Variants in DNMT1 observed in about 807,000 individuals in gnomAD.
DNMT1 encodes DNA methyltransferase 1.
DNMT1 carries 24 observed loss-of-function variants against 205.3 expected under a neutral mutation model. That is an observed-to-expected ratio of 0.12 (90% CI 0.08 to 0.16). DNMT1 has a LOEUF of 0.16. Among genes scored for constraint, DNMT1 ranks in the 10% least tolerant of loss-of-function variants. DNMT1 has a pLI of 1.00. For synonymous variants in DNMT1, 817 were observed against 839.8 expected (o/e 0.97, Z 0.47); for missense variants, 1,293 against 2,177.7 (o/e 0.59, Z 8.09).
chr19:10,169,987 A>G (rs764240462), intron 9 of DNMT1, among the ~76,000 whole-genome samples: 3 of 152,116 alleles, frequency 2.0e-5, no homozygotes, highest in Non-Finnish European at 2.9e-5. Flanking sequence ...AAAGGTGATC[A>G]ATGAAAGACC....
chr19:10,145,908 A>T (rs938582233), intron 28 of DNMT1, among the ~76,000 whole-genome samples: 2 of 152,064 alleles, frequency 1.3e-5, no homozygotes, highest in Admixed American at 1.3e-4. Flanking sequence ...GGCTCACTGC[A>T]ACCTCTGCCT....
At chr19:10,181,503 G>C (rs1441064117) in intron 2 of DNMT1, among the ~76,000 whole-genome samples, 1 of 147,812 alleles carries the variant, frequency 6.8e-6, no homozygotes, top group African/African-American at 2.5e-5. Flanking sequence ...TTACAATCCA[G>C]AGTAGATTGT....
At chr19:10,188,073 C>G (rs1387882050) in intron 1 of DNMT1, among the ~76,000 whole-genome samples, 1 of 152,190 alleles carries the variant, frequency 6.6e-6, no homozygotes, top group Non-Finnish European at 1.5e-5. Context: ...GCCCAGTGAG[C>G]TATAATTGTG....
intron 1 of DNMT1, among the ~76,000 whole-genome samples, chr19:10,188,417 G>A (rs905736879): frequency 2.0e-5 from 3 of 152,114 alleles, no homozygotes; most frequent in Admixed American, 6.6e-5. Context: ...GCTCACGCCT[G>A]TAATCCCAGC....
chr19:10,159,514 C>A lies in DNMT1; in HGVS notation c.1280+144G>T. 2.3e-6 allele frequency: 2 copies of A among 861,404 alleles called. No individual in the cohort carries two copies. The highest frequency in any genetic ancestry group is 3.7e-6 in the Non-Finnish European group (2 of 537,190). The allele number at this position is 861,404 out of a possible 1,614,324, so 53.4% of individuals were successfully genotyped here. A position where few individuals can be genotyped will look rare whatever the true frequency, so the allele number is the denominator to read the frequency against. On this transcript the variant is annotated intron_variant, in intron 17 of 40. Coordinates refer to ENST00000359526, the MANE Select transcript of DNMT1 (RefSeq NM_001130823.3). The surrounding 1 kb of genome is among the most constrained non-coding windows in gnomAD (Gnocchi z 5.0). ...ATGAGCCACCGCGCCCAGCCCTCCACGGTGGCTCTTATCCACGAAGTGTTA... is the reference window on the plus strand; with the variant it reads ...ATGAGCCACCGCGCCCAGCCCTCCAAGGTGGCTCTTATCCACGAAGTGTTA...
chr19:10,158,691 A>T (rs540248706), intron 17 of DNMT1, among the ~76,000 whole-genome samples: 9 of 152,132 alleles, frequency 5.9e-5, no homozygotes, highest in Non-Finnish European at 1.2e-4. Flanking sequence ...GACGCCAGGC[A>T]CCTTCCCTCA....
rs1162379853 is a variant in DNMT1, at chr19:10,154,426, C to T, written c.1886G>A (p.Arg629Lys). 1.9e-6 allele frequency: 3 copies of T among 1,614,126 alleles called. No individual in the cohort carries two copies. The highest frequency in any genetic ancestry group is 2.2e-5 in the East Asian group (1 of 44,894). Residue 629 changes from arginine (R) to lysine (K), a missense_variant, in exon 22 of 41, where the codon AGG (arginine) becomes AAG (lysine). Physicochemically the swap from Arg to Lys is conservative, Grantham distance 26. This residue lies in a region of DNMT1 where 197 missense variants were observed against 353.6 expected (regional missense o/e 0.56). Transcript: ENST00000359526. The surrounding 1 kb of genome is among the most constrained non-coding windows in gnomAD (Gnocchi z 6.3). Reference protein sequence around the residue: ...TIRHSTREKDRGPTKATTTKL... With the variant: ...TIRHSTREKDKGPTKATTTKL... ...GGTGGTGGTGGCTTTCGTGGGTCCCCTGTCCTTCTCCCTGGTAGAATGCCT... is the reference window on the plus strand; with the variant it reads ...GGTGGTGGTGGCTTTCGTGGGTCCCTTGTCCTTCTCCCTGGTAGAATGCCT...
chr19:10,150,457 A>G (rs936865394), intron 24 of DNMT1, among the ~76,000 whole-genome samples: 19 of 151,904 alleles, frequency 1.3e-4, no homozygotes, highest in Non-Finnish European at 2.8e-4. Context: ...CCCAGGTGTC[A>G]CCTCTGCAAG....
chr19:10,163,087 G>T lies in DNMT1; in HGVS notation c.926+239C>A, dbSNP rs553387956. On this transcript the variant is annotated intron_variant, in intron 12 of 40. Coordinates refer to ENST00000359526, the MANE Select transcript of DNMT1 (RefSeq NM_001130823.3). ...TCTAGCAGTTCTGCCTCAGCCTTCCGAGTAGCTGGGATTATAGGCACCCGC... is the reference window on the plus strand; with the variant it reads ...TCTAGCAGTTCTGCCTCAGCCTTCCTAGTAGCTGGGATTATAGGCACCCGC... 7 of 566,898 alleles carry T rather than the reference G, an allele frequency of 1.2e-5. No individual in the cohort carries two copies. The East Asian group carries it at 1.8e-4, about 15-fold the overall frequency. The allele number at this position is 566,898 out of a possible 1,614,324, so 35.1% of individuals were successfully genotyped here. A position where few individuals can be genotyped will look rare whatever the true frequency, so the allele number is the denominator to read the frequency against.
At chr19:10,175,802 G>A (rs760637239) in intron 6 of DNMT1, among the ~76,000 whole-genome samples, 184 bp from the exon 7 acceptor site, 4 of 152,150 alleles carry the variant, frequency 2.6e-5, no homozygotes, top group Non-Finnish European at 4.4e-5. Context: ...TCTAAACACC[G>A]ATCAACAGCT....
chr19:10,137,215 G>A lies in DNMT1; in HGVS notation c.4359C>T (p.Arg1453=), dbSNP rs748782322. 1.3e-5 allele frequency: 21 copies of A among 1,610,788 alleles called. No homozygotes were observed. Among genetic ancestry groups the A allele is most frequent in the African/African-American group, 8.0e-5 (6 of 74,912 alleles). The change falls in exon 37 of 41, where the codon CGC becomes CGT. Residue 1453 remains arginine (R), a synonymous_variant. Transcript: ENST00000359526. This position sits in a 1 kb window ranked among gnomAD's most constrained non-coding sequence, Gnocchi z 6.4. ...HIPLAPGSDW[R]DLPNIEVRLS... ...GCCGCACCTCGATGTTGGGCAGATC[G>A]CGCCAGTCTGACCCTGGGGCCAAGG...
chr19:10,174,870 A>G (rs1400124965), intron 7 of DNMT1, among the ~76,000 whole-genome samples: 1 of 151,766 alleles, frequency 6.6e-6, no homozygotes, highest in East Asian at 1.9e-4. Context: ...AGCCTGGGCA[A>G]CATGGTGAAA....
chr19:10,142,003 T>C, intron 30 of DNMT1, 25 bp downstream of exon 30: 1 of 1,610,530 alleles, frequency 6.2e-7, no homozygotes, highest in Non-Finnish European at 8.5e-7. Context: ...CCCGAAGCCT[T>C]CCCTCTAGCA....
In DNMT1 at chr19:10,133,488, C is replaced by A; in HGVS notation, c.*179G>T. ...AATCCAGAATGCACAAAGTACTGCA[C>A]AATTTGATCACTAAATCATTAGTTG... On this transcript the variant is annotated 3_prime_UTR_variant, in exon 41 of 41. Transcript: ENST00000359526. The surrounding 1 kb of genome is among the most constrained non-coding windows in gnomAD (Gnocchi z 4.1). 1 of 694,056 alleles carries A rather than the reference C, an allele frequency of 1.4e-6. No homozygotes were observed. Among genetic ancestry groups the A allele is most frequent in the Non-Finnish European group, 2.5e-6 (1 of 401,892 alleles). The allele number at this position is 694,056 out of a possible 1,614,324, so 43.0% of individuals were successfully genotyped here. A position where few individuals can be genotyped will look rare whatever the true frequency, so the allele number is the denominator to read the frequency against.
chr19:10,140,988 G>C lies in DNMT1; in HGVS notation c.3395-79C>G, dbSNP rs989633245. ...TGCTCTCAAGCGCCTTGTTAACTCA[G>C]GCGGCCTCGCTGTCCCAGAGTCAGT... On this transcript the variant is annotated intron_variant, in intron 31 of 40. Coordinates refer to ENST00000359526, the MANE Select transcript of DNMT1 (RefSeq NM_001130823.3). This position sits in a 1 kb window ranked among gnomAD's most constrained non-coding sequence, Gnocchi z 8.4. The C allele has an allele frequency of 1.4e-5, 23 of 1,613,474 alleles. No individual in the cohort carries two copies. Among genetic ancestry groups the C allele is most frequent in the Middle Eastern group, 1.6e-4 (1 of 6,076 alleles).
intron 13 of DNMT1, among the ~76,000 whole-genome samples, chr19:10,161,849 G>A (rs921001445): frequency 1.3e-5 from 2 of 152,160 alleles, no homozygotes; most frequent in East Asian, 1.9e-4. Flanking sequence ...TGTATTTTTT[G>A]TTGTTGGTTT....
intron 39 of DNMT1, 23 bp downstream of exon 39, chr19:10,135,713 C>T: frequency 6.2e-7 from 1 of 1,602,496 alleles, no homozygotes; most frequent in Non-Finnish European, 8.5e-7. Flanking sequence ...CTGTCCAGAC[C>T]CAGCGGGCGC....
At chr19:10,189,472 T>A (rs1346429071) in intron 1 of DNMT1, among the ~76,000 whole-genome samples, 1 of 148,650 alleles carries the variant, frequency 6.7e-6, no homozygotes. Flanking sequence ...CAGGCTGGAG[T>A]GCAGTGGCAC....
Position 10,135,790 on chromosome 19 carries a change from C to T in DNMT1, c.4719G>A (p.Gln1573=). The T allele has an allele frequency of 6.3e-7, 1 of 1,594,072 alleles. No individual in the cohort carries two copies. Residue 1573 remains glutamine, a synonymous_variant, in exon 39 of 41, where the codon CAG becomes CAA. Coordinates refer to ENST00000359526, the MANE Select transcript of DNMT1 (RefSeq NM_001130823.3). The part of the protein sequence containing the change: ...VVSVRECARS[Q]GFPDTYRLFG... ...AGAGCCGGTAGGTGTCAGGGAAGCCCTGGGAGCGGGCACACTCCCGCACGC... is the reference window on the plus strand; with the variant it reads ...AGAGCCGGTAGGTGTCAGGGAAGCCTTGGGAGCGGGCACACTCCCGCACGC...
Sources: allele counts gnomAD v4.1 joint callset (sites outside exome capture counted in the v4.1 genomes callset), GRCh38; gene constraint gnomAD v4.1.1; regional missense constraint gnomAD v4.1.1; non-coding constraint Gnocchi (gnomAD v3.1); transcripts MANE v1.5; gene names NCBI Gene and HGNC (gene_info 2026-07-23, HGNC 2026-07-21).